The following BSND variants were observed in gnomAD, a reference collection of about 807,000 sequenced individuals.
BSND encodes barttin.
BSND carries 13 observed loss-of-function variants against 18.8 expected under a neutral mutation model. That is an observed-to-expected ratio of 0.69 (90% CI 0.45 to 1.10). The LOEUF is 1.10. BSND is among the 50% of genes least tolerant of loss of function. The pLI, the probability that BSND is intolerant of heterozygous loss-of-function variation, is 0.00. For missense variants in BSND, 379 were observed against 416.7 expected, an observed-to-expected ratio of 0.91 and a Z score of 0.79; for synonymous variants, 170 against 161.8, an observed-to-expected ratio of 1.05 and a Z score of -0.39.
chr1:55,008,667 C>T lies in BSND; in HGVS notation c.*39C>T, dbSNP rs766729680. ...CGTAGCTTCTAGTCTGGAACTGCTG[C>T]TGACCCCTGTGTGACATCACAGGGC... On this transcript the variant is annotated 3_prime_UTR_variant, in exon 4 of 4. Coordinates refer to ENST00000651561, the MANE Select transcript of BSND (RefSeq NM_057176.3). 1.9e-6 allele frequency: 3 copies of T among 1,613,818 alleles called. No individual in the cohort carries two copies. Among genetic ancestry groups the T allele is most frequent in the Non-Finnish European group, 2.5e-6 (3 of 1,180,034 alleles).
chr1:55,003,073 T>G, intron 1 of BSND, among the ~76,000 whole-genome samples: 1 of 8 alleles, frequency 0.12, no homozygotes, highest in South Asian at 0.5. Flanking sequence ...ATGATGATGG[T>G]GACGGTGATG....
At chr1:55,003,783 A>G (rs1644374937) in intron 1 of BSND, among the ~76,000 whole-genome samples, 1 of 152,234 alleles carries the variant, frequency 6.6e-6, no homozygotes, top group African/African-American at 2.4e-5. Flanking sequence ...GGGATTCCCT[A>G]TATATGATCT....
chr1:55,008,582 T>C lies in BSND; in HGVS notation c.917T>C (p.Leu306Pro), dbSNP rs139049536. Residue 306 changes from leucine (L) to proline (P), a missense_variant, in exon 4 of 4, where the codon CTC (leucine) becomes CCC (proline). Physicochemically the swap from Leu to Pro is moderately conservative, Grantham distance 98 (BLOSUM62 -3). Coordinates refer to ENST00000651561, the MANE Select transcript of BSND (RefSeq NM_057176.3). ...GGGCTGCCAGATGGAGCCGGGGACC[T>C]CCTCCCGGACAAGGAGCTGGGTTTT... ...YYGLPDGAGD[L>P]LPDKELGFEP... 1.8e-4 allele frequency: 290 copies of C among 1,613,958 alleles called. No individual in the cohort carries two copies. The highest frequency in any genetic ancestry group is 2.3e-4 in the Non-Finnish European group (267 of 1,180,016).
rs1490641173 is a variant in BSND at position 55,010,938 on chromosome 1, G to C, written c.*2310G>C. ...TTTCTTTAAAACCACCCCTTCCCTC[G>C]GGGCAGGATACGTGAGGCCTTACGC... On this transcript the variant is annotated 3_prime_UTR_variant, in exon 4 of 4. Coordinates refer to ENST00000651561, the MANE Select transcript of BSND (RefSeq NM_057176.3). The C allele has an allele frequency of 6.6e-6, 1 of 152,214 alleles. No homozygotes were observed. The highest frequency in any genetic ancestry group is 2.4e-5 in the African/African-American group (1 of 41,454). The allele number at this position is 152,214 out of a possible 1,614,324, so 9.4% of individuals were successfully genotyped here.
chr1:55,007,694 G>T (rs1419586606), intron 3 of BSND, among the ~76,000 whole-genome samples: 1 of 152,126 alleles, frequency 6.6e-6, no homozygotes, highest in East Asian at 1.9e-4. Flanking sequence ...CTGCTGACCT[G>T]CTCTGTGACC....
rs904604990 is a variant in BSND, at chr1:55,015,459, A to C, written c.*6831A>C. On this transcript the variant is annotated 3_prime_UTR_variant, in exon 4 of 4. Transcript: ENST00000651561. ...AAATGAGGGCCCCAGTGACTCAGGA[A>C]GTCCCCAGGTCAGAAAATGGGCCCC... is the stretch of plus-strand genomic sequence containing the variant. Among the ~76,000 whole-genome samples the C allele has an allele frequency of 6.6e-6, 1 of 152,142 alleles. No individual in the cohort carries two copies. The highest frequency in any genetic ancestry group is 1.5e-5 in the Non-Finnish European group (1 of 68,008).
intron 1 of BSND, among the ~76,000 whole-genome samples, chr1:55,001,174 CG>C (rs1331552754): frequency 6.7e-6 from 1 of 150,038 alleles, no homozygotes; most frequent in Non-Finnish European, 1.5e-5. Flanking sequence ...GAGCCTTGTA[CG>C]GCTGATTGGG....
rs1417447104 is a variant in BSND at position 55,008,765 on chromosome 1, G to A, written c.*137G>A. The A allele has an allele frequency of 1.6e-6, 2 of 1,275,382 alleles. No homozygotes were observed. Among genetic ancestry groups the A allele is most frequent in the East Asian group, 2.4e-5 (1 of 41,398 alleles). 79.0% of individuals were successfully genotyped at this position (1,275,382 alleles called of 1,614,324 possible). On this transcript the variant is annotated 3_prime_UTR_variant, in exon 4 of 4. Transcript: ENST00000651561. ...ATGGTGGCATTTTGAGAATGGTAAA[G>A]AAATACACAGGGAGGGGATGATGAC... is the stretch of plus-strand genomic sequence containing the variant.
rs771262825 is a variant in BSND at position 55,016,215 on chromosome 1, G to A, written c.*7587G>A. ...TCTGAAAGAGGTTACAGTTCCTAACGGAGAGAGAGAGACAGATGGAGAGAG... is the reference window on the plus strand; with the variant it reads ...TCTGAAAGAGGTTACAGTTCCTAACAGAGAGAGAGAGACAGATGGAGAGAG... On this transcript the variant is annotated 3_prime_UTR_variant, in exon 4 of 4. Coordinates refer to ENST00000651561, the MANE Select transcript of BSND (RefSeq NM_057176.3). Among the ~76,000 whole-genome samples the A allele has an allele frequency of 1.3e-5, 2 of 152,006 alleles. No homozygotes were observed. Among genetic ancestry groups the A allele is most frequent in the Non-Finnish European group, 2.9e-5 (2 of 68,008 alleles).
intron 3 of BSND, among the ~76,000 whole-genome samples, 179 bp from the exon 4 acceptor site, chr1:55,008,035 A>G (rs547525254): frequency 6.6e-6 from 1 of 152,368 alleles, no homozygotes; most frequent in East Asian, 1.9e-4. Flanking sequence ...AGTGCCTTGC[A>G]CATATTATCT....
In BSND at chr1:54,999,368, G is replaced by A; in HGVS notation, c.177+5G>A. The A allele has an allele frequency of 6.2e-7, 1 of 1,604,794 alleles. No individual in the cohort carries two copies. Among genetic ancestry groups the A allele is most frequent in the Non-Finnish European group, 8.5e-7 (1 of 1,173,040 alleles). On this transcript the variant is annotated splice_donor_5th_base_variant and intron_variant, in intron 1 of 3. Transcript: ENST00000651561. ...ATGTGCCAGTGCTACCCCAAGGTAGGTGGTAGTGGGGCTGGGTGGGGCCAG... is the reference window on the plus strand; with the variant it reads ...ATGTGCCAGTGCTACCCCAAGGTAGATGGTAGTGGGGCTGGGTGGGGCCAG...
rs1000260386 is a variant in BSND, at chr1:55,015,679, C to T, written c.*7051C>T. Among the ~76,000 whole-genome samples the T allele has an allele frequency of 6.6e-6, 1 of 152,186 alleles. No individual in the cohort carries two copies. Among genetic ancestry groups the T allele is most frequent in the Non-Finnish European group, 1.5e-5 (1 of 68,020 alleles). On this transcript the variant is annotated 3_prime_UTR_variant, in exon 4 of 4. Transcript: ENST00000651561. The stretch of plus-strand genomic sequence containing the variant: ...TCTAACCACAAACACTATGCACCTG[C>T]TTTGTGCCACCCCCTGTGCTAGGTA...
In BSND at chr1:55,007,270, C is replaced by G; in HGVS notation, c.546C>G (p.Pro182=). ...AAAGACGCCTAACTCAGAGCTGGCC[C>G]GGGTGAGTGCTTAGAGGGCAGGAGT... The part of the protein sequence containing the change: ...EGERRLTQSW[P]GPLACPQGPA... The change falls in exon 3 of 4, where the codon CCC becomes CCG. Residue 182 remains proline, a splice_region_variant and synonymous_variant. Coordinates refer to ENST00000651561, the MANE Select transcript of BSND (RefSeq NM_057176.3). The G allele has an allele frequency of 7.4e-7, 1 of 1,349,584 alleles. No homozygotes were observed. Among genetic ancestry groups the G allele is most frequent in the Non-Finnish European group, 9.9e-7 (1 of 1,014,832 alleles). The allele number at this position is 1,349,584 out of a possible 1,614,324, so 83.6% of individuals were successfully genotyped here.
rs574144402 is a variant in BSND at position 55,014,861 on chromosome 1, G to A, written c.*6233G>A. Among the ~76,000 whole-genome samples the A allele has an allele frequency of 2.6e-5, 4 of 152,342 alleles. No individual in the cohort carries two copies. The highest frequency in any genetic ancestry group is 5.9e-5 in the Non-Finnish European group (4 of 68,030). ...GGTAGGCAACCCAGAAGAGGTGGGA[G>A]TTGCAAGCCAGGACTTAAAACAGTA... On this transcript the variant is annotated 3_prime_UTR_variant, in exon 4 of 4. Transcript: ENST00000651561.
rs947319517 is a variant in BSND, at chr1:55,012,251, C to T, written c.*3623C>T. 3.9e-5 allele frequency among the ~76,000 whole-genome samples: 6 copies of T among 152,216 alleles called. No individual in the cohort carries two copies. Among genetic ancestry groups the T allele is most frequent in the Non-Finnish European group, 7.3e-5 (5 of 68,028 alleles). On this transcript the variant is annotated 3_prime_UTR_variant, in exon 4 of 4. Coordinates refer to ENST00000651561, the MANE Select transcript of BSND (RefSeq NM_057176.3). ...GGTGAGGGTGGGCAAGATTCCACTT[C>T]TGCTCCCAGTCCCTGAGCACTGTGT... is the stretch of plus-strand genomic sequence containing the variant.
chr1:54,999,539 CCAT>C (rs1644351140), intron 1 of BSND, among the ~76,000 whole-genome samples, 176 bp downstream of exon 1: 1 of 152,102 alleles, frequency 6.6e-6, no homozygotes, highest in South Asian at 2.1e-4. Context: ...ATCCATCCAT[CCAT>C]CCATCCATCC....
Position 54,999,114 on chromosome 1 carries a change from T to A in BSND, c.-73T>A. On this transcript the variant is annotated 5_prime_UTR_variant, in exon 1 of 4. Coordinates refer to ENST00000651561, the MANE Select transcript of BSND (RefSeq NM_057176.3). ...TGTCTTCTCTCCCTGTGTAAGCCTG[T>A]CTCGGTGTTTAGGCTGAACTACAGC... 1 of 1,578,682 alleles carries A rather than the reference T, an allele frequency of 6.3e-7. No homozygotes were observed.
rs535385434 is a variant in BSND at position 54,999,529 on chromosome 1, ATC to A, written c.177+167_177+168del. Among the ~76,000 whole-genome samples, 2,054 of 151,638 alleles carry A rather than the reference ATC, an allele frequency of 0.014. 36 individuals are homozygous for A. The highest frequency in any genetic ancestry group is 0.048 in the African/African-American group (1,970 of 41,350). ...TCCTGAGCGTCTGTCCCATCCATCC[ATC>A]CATCCATCCATCCATCCATCCATCC... On this transcript the variant is annotated intron_variant, in intron 1 of 3. Coordinates refer to ENST00000651561, the MANE Select transcript of BSND (RefSeq NM_057176.3).
intron 1 of BSND, among the ~76,000 whole-genome samples, chr1:55,001,509 G>A (rs776885906): frequency 6.6e-6 from 1 of 152,038 alleles, no homozygotes; most frequent in Non-Finnish European, 1.5e-5. Flanking sequence ...CTGGGCCAAC[G>A]CTGCCTGCAG....
Sources: allele counts gnomAD v4.1 joint callset (sites outside exome capture counted in the v4.1 genomes callset), GRCh38; gene constraint gnomAD v4.1.1; transcripts MANE v1.5; gene names NCBI Gene and HGNC (gene_info 2026-07-23, HGNC 2026-07-21).